The following CAMK1D variants were observed in gnomAD, a reference collection of about 807,000 sequenced individuals.
CAMK1D encodes calcium/calmodulin dependent protein kinase ID.
Under a neutral mutation model 47.7 loss-of-function variants are expected in CAMK1D, and 9 were observed. The observed-to-expected ratio is 0.19, with a 90% CI of 0.11 to 0.33. The LOEUF is 0.33. Among genes scored for constraint, CAMK1D ranks in the 10% least tolerant of loss-of-function variants. The pLI is 1.00. For missense variants in CAMK1D, 291 were observed against 488.7 expected (o/e 0.60, Z 3.81); for synonymous variants, 184 against 184.9 (o/e 0.99, Z 0.04).
At position 12,628,760 on chromosome 10, in the gene CAMK1D, T is replaced by A. The variant is rs1242584341; in HGVS notation, c.225-37976T>A. ...CAGAATCGTTTCACTGCTATACAAA[T>A]CCTGTTTTCCACCTGTTCTTCCCTC... On this transcript the variant is annotated intron_variant, in intron 2 of 10. Coordinates refer to ENST00000619168, the MANE Select transcript of CAMK1D (RefSeq NM_153498.4). Among the ~76,000 whole-genome samples the A allele has an allele frequency of 2.0e-5, 3 of 152,296 alleles. No individual in the cohort carries two copies. In the East Asian group the frequency reaches 5.8e-4, roughly 29 times the overall value.
chr10:12,670,490 T>TA (rs777288203), intron 3 of CAMK1D, among the ~76,000 whole-genome samples: 1 of 152,124 alleles, frequency 6.6e-6, no homozygotes, highest in African/African-American at 2.4e-5. Context: ...TGGCACCTTT[T>TA]AAAAAAATTC....
At chr10:12,806,873 G>A (rs936156422) in intron 6 of CAMK1D, among the ~76,000 whole-genome samples, 2 of 152,294 alleles carry the variant, frequency 1.3e-5, no homozygotes, top group East Asian at 1.9e-4. Flanking sequence ...TGCCAAGACC[G>A]TGGGGACTTT....
chr10:12,580,294 A>G (rs1837622066), intron 2 of CAMK1D, among the ~76,000 whole-genome samples: 1 of 150,210 alleles, frequency 6.7e-6, no homozygotes, highest in Non-Finnish European at 1.5e-5. Flanking sequence ...TCTAGGCTGT[A>G]CCAATGTATC....
At chr10:12,818,670 C>T (rs1269803256) in intron 8 of CAMK1D, among the ~76,000 whole-genome samples, 1 of 135,494 alleles carries the variant, frequency 7.4e-6, no homozygotes, top group Non-Finnish European at 1.6e-5. Flanking sequence ...GACTCTGTCC[C>T]AAAAAAAAAA....
chr10:12,554,771 T>C (rs1380564056), intron 2 of CAMK1D, among the ~76,000 whole-genome samples: 1 of 152,078 alleles, frequency 6.6e-6, no homozygotes, highest in African/African-American at 2.4e-5. Context: ...CTTGAACTCC[T>C]GGCCTCAAGC....
At chr10:12,416,816 G>A (rs753585641) in intron 1 of CAMK1D, among the ~76,000 whole-genome samples, 6 of 152,208 alleles carry the variant, frequency 3.9e-5, no homozygotes, top group Non-Finnish European at 7.3e-5. Flanking sequence ...TTACTCCAGG[G>A]CTTCCCCTTT....
intron 3 of CAMK1D, among the ~76,000 whole-genome samples, chr10:12,684,112 A>G (rs766650289): frequency 2.0e-4 from 31 of 152,222 alleles, no homozygotes; most frequent in Non-Finnish European, 2.9e-4. Flanking sequence ...TACACTTGCT[A>G]CAGAGCCCAG....
chr10:12,349,786 C>T lies in CAMK1D; in HGVS notation c.-33C>T. ...CCCGGCGCCCCCTCCCCAGCGCGCC[C>T]CCGGCCGCTCCTCCGCGCCGCGCTC... On this transcript the variant is annotated 5_prime_UTR_variant, in exon 1 of 11. Coordinates refer to ENST00000619168, the MANE Select transcript of CAMK1D (RefSeq NM_153498.4). 1 of 1,253,580 alleles carries T rather than the reference C, an allele frequency of 8.0e-7. No homozygotes were observed. The highest frequency in any genetic ancestry group is 1.0e-6 in the Non-Finnish European group (1 of 966,202). 77.7% of individuals were successfully genotyped at this position (1,253,580 alleles called of 1,614,324 possible). A position where few individuals can be genotyped will look rare whatever the true frequency, so the allele number is the denominator to read the frequency against.
chr10:12,779,874 G>A (rs555543629), intron 5 of CAMK1D, among the ~76,000 whole-genome samples: 1 of 152,300 alleles, frequency 6.6e-6, no homozygotes, highest in South Asian at 2.1e-4. Context: ...CCATCGTTCT[G>A]TCTAGAAGCA....
At chr10:12,399,330 C>A (rs796422816) in intron 1 of CAMK1D, among the ~76,000 whole-genome samples, 53 of 152,228 alleles carry the variant, frequency 3.5e-4, no homozygotes, top group African/African-American at 1.3e-3. Context: ...ATGGTGAAAC[C>A]CTGTCTCTAC....
At chr10:12,588,432 C>A (rs1017367666) in intron 2 of CAMK1D, among the ~76,000 whole-genome samples, 2 of 152,176 alleles carry the variant, frequency 1.3e-5, no homozygotes, top group African/African-American at 4.8e-5. Context: ...CAAAGAGAAA[C>A]CGTGCTCTCA....
chr10:12,778,023 C>A (rs773826336), intron 5 of CAMK1D, among the ~76,000 whole-genome samples: 4 of 152,206 alleles, frequency 2.6e-5, no homozygotes, highest in Admixed American at 2.6e-4. Context: ...CCCAGCCTAG[C>A]ATGGTGTCTT....
chr10:12,600,305 A>C (rs1415677258), intron 2 of CAMK1D, among the ~76,000 whole-genome samples: 1 of 152,162 alleles, frequency 6.6e-6, no homozygotes, highest in East Asian at 1.9e-4. Flanking sequence ...GACCTCCTCA[A>C]CTCAAGGGGG....
intron 1 of CAMK1D, among the ~76,000 whole-genome samples, chr10:12,440,534 C>T (rs928639516): frequency 3.3e-5 from 5 of 152,110 alleles, no homozygotes; most frequent in Admixed American, 1.3e-4. Flanking sequence ...GTGATCCGCC[C>T]ACCTCGGCCT....
chr10:12,724,152 C>T (rs748239727), intron 3 of CAMK1D, among the ~76,000 whole-genome samples: 3 of 152,142 alleles, frequency 2.0e-5, no homozygotes, highest in Admixed American at 6.6e-5. Context: ...CCATGCCGGG[C>T]CAAATTTTTA....
At chr10:12,374,258 C>CAAAAAAAA (rs56312810) in intron 1 of CAMK1D, among the ~76,000 whole-genome samples, 22 of 91,714 alleles carry the variant, frequency 2.4e-4, no homozygotes, top group Non-Finnish European at 2.7e-4. Context: ...GACTCTGTCT[C>CAAAAAAAA]AAAAAAAAAA....
rs1321539242 is a variant in CAMK1D at position 12,829,350 on chromosome 10, A to G, written c.*463A>G. The G allele has an allele frequency of 6.5e-6, 1 of 152,930 alleles. No homozygotes were observed. Among genetic ancestry groups the G allele is most frequent in the Admixed American group, 6.5e-5 (1 of 15,272 alleles). 9.5% of individuals were successfully genotyped at this position (152,930 alleles called of 1,614,324 possible). A position where few individuals can be genotyped will look rare whatever the true frequency, so the allele number is the denominator to read the frequency against. On this transcript the variant is annotated 3_prime_UTR_variant, in exon 11 of 11. Transcript: ENST00000619168. Reference sequence around the variant, plus strand: ...TGTATCTCTAAGTTACATGACCTATATCTTTTCCTCTTTAATAGTAGTTTT... The same window carrying G: ...TGTATCTCTAAGTTACATGACCTATGTCTTTTCCTCTTTAATAGTAGTTTT...
intron 1 of CAMK1D, among the ~76,000 whole-genome samples, chr10:12,474,654 C>G (rs1833849686): frequency 6.6e-6 from 1 of 151,648 alleles, no homozygotes; most frequent in Admixed American, 6.6e-5. Context: ...TAGGTAAACT[C>G]ATATCATGGG....
chr10:12,678,849 G>A (rs960328223), intron 3 of CAMK1D, among the ~76,000 whole-genome samples: 1 of 151,862 alleles, frequency 6.6e-6, no homozygotes, highest in Non-Finnish European at 1.5e-5. Flanking sequence ...TGCAACCTCC[G>A]CCTCCCAGGT....
Sources: gnomAD v4.1 joint callset for allele counts (sites outside exome capture counted in the v4.1 genomes callset) on GRCh38, gnomAD v4.1.1 for gene constraint, MANE v1.5 for transcripts, NCBI Gene and HGNC (gene_info 2026-07-23, HGNC 2026-07-21) for gene names.